Variants in GFRA1 observed in about 807,000 individuals in gnomAD.
GFRA1 encodes the protein GDNF family receptor alpha-1.
A neutral mutation model predicts 51.6 loss-of-function variants in GFRA1; 16 were observed. The ratio of observed to expected loss-of-function variants is 0.31; its 90% CI spans 0.21 to 0.47. The LOEUF is 0.47. GFRA1 is among the 20% of genes least tolerant of loss of function. The pLI is 1.00. For synonymous variants in GFRA1, 270 were observed against 241.3 expected (o/e 1.12, Z -1.10); for missense variants, 530 against 594.3 (o/e 0.89, Z 1.13).
intron 5 of GFRA1, among the ~76,000 whole-genome samples, chr10:116,162,516 C>T (rs1959927443): frequency 6.6e-6 from 1 of 152,182 alleles, no homozygotes; most frequent in South Asian, 2.1e-4. Context: ...GATCAGGCCT[C>T]ACAGTCCATT....
intron 4 of GFRA1, among the ~76,000 whole-genome samples, chr10:116,256,691 C>T (rs1401073943): frequency 6.6e-6 from 1 of 152,156 alleles, no homozygotes; most frequent in Non-Finnish European, 1.5e-5. Context: ...CTTGAGTTTT[C>T]ATTGAGACAT....
chr10:116,125,741 G>A lies in GFRA1; in HGVS notation c.434-184C>T, dbSNP rs889882296. Among the ~76,000 whole-genome samples the A allele has an allele frequency of 7.9e-5, 12 of 152,186 alleles. 1 individual carries two copies. Among genetic ancestry groups the A allele is most frequent in the Admixed American group, 3.3e-4 (5 of 15,276 alleles). ...AAAGTGCTAGGAGTACAAATACCAG[G>A]AGTCTACGGCAGCACAAAAGCCCCT... On this transcript the variant is annotated intron_variant, in intron 5 of 10. Transcript: ENST00000355422.
At position 116,057,120 on chromosome 10, in the gene GFRA1, G is replaced by A. The variant is rs555048804; in HGVS notation, c.*7278C>T. 2 of 152,278 alleles carry A rather than the reference G, an allele frequency of 1.3e-5. No individual in the cohort carries two copies. Among genetic ancestry groups the A allele is most frequent in the Admixed American group, 1.3e-4 (2 of 15,298 alleles). 9.4% of individuals were successfully genotyped at this position (152,278 alleles called of 1,614,324 possible). ...TTCTTCCAAGGGTGTTGGCAATAAAGGCTGTTGCAAAACAGCTATGTGAGG... is the reference window on the plus strand; with the variant it reads ...TTCTTCCAAGGGTGTTGGCAATAAAAGCTGTTGCAAAACAGCTATGTGAGG... On this transcript the variant is annotated 3_prime_UTR_variant, in exon 11 of 11. Coordinates refer to ENST00000355422, the MANE Select transcript of GFRA1 (RefSeq NM_005264.8).
chr10:116,240,761 C>CTTGG (rs1342525991), intron 4 of GFRA1, among the ~76,000 whole-genome samples: 1 of 152,188 alleles, frequency 6.6e-6, no homozygotes, highest in African/African-American at 2.4e-5. Flanking sequence ...CCACACAGTG[C>CTTGG]TTGGCATAGA....
Position 116,179,764 on chromosome 10 carries a change from C to G in GFRA1, c.433+31867G>C, listed in dbSNP as rs535014604. On this transcript the variant is annotated intron_variant, in intron 5 of 10. Coordinates refer to ENST00000355422, the MANE Select transcript of GFRA1 (RefSeq NM_005264.8). ...CACTAGGAAAACCTCTAAATAGTGG[C>G]TAGAGGTGAACTGTCCCATTCTTGA... 3.3e-5 allele frequency among the ~76,000 whole-genome samples: 5 copies of G among 152,288 alleles called. 1 individual carries two copies. The South Asian group carries it at 1.0e-3, about 32-fold the overall frequency.
At chr10:116,189,261 G>C (rs1011280413) in intron 5 of GFRA1, among the ~76,000 whole-genome samples, 5 of 152,090 alleles carry the variant, frequency 3.3e-5, no homozygotes, top group African/African-American at 1.2e-4. Context: ...ATCTTATCAG[G>C]TGGCACCTAA....
chr10:116,186,174 C>T (rs1962698690), intron 5 of GFRA1, among the ~76,000 whole-genome samples: 3 of 152,134 alleles, frequency 2.0e-5, no homozygotes, highest in South Asian at 2.1e-4. Context: ...CAGCGCTCAC[C>T]GGAGATGGCA....
At chr10:116,080,249 A>G (rs1955791808) in intron 9 of GFRA1, among the ~76,000 whole-genome samples, 1 of 152,212 alleles carries the variant, frequency 6.6e-6, no homozygotes, top group African/African-American at 2.4e-5. Context: ...AAGCTCTTCT[A>G]CTGTCATCTG....
At chr10:116,116,582 T>C (rs1029727349) in intron 6 of GFRA1, among the ~76,000 whole-genome samples, 1 of 152,214 alleles carries the variant, frequency 6.6e-6, no homozygotes, top group Admixed American at 6.5e-5. Flanking sequence ...ACCCTCACTG[T>C]CCAGCAGATT....
In GFRA1 at chr10:116,064,345, G is replaced by A. The variant is rs1252320192; in HGVS notation, c.*53C>T. 6 of 1,507,822 alleles carry A rather than the reference G, an allele frequency of 4.0e-6. No homozygotes were observed. Among genetic ancestry groups the A allele is most frequent in the Non-Finnish European group, 4.6e-6 (5 of 1,089,288 alleles). The allele number at this position is 1,507,822 out of a possible 1,614,324, so 93.4% of individuals were successfully genotyped here. On this transcript the variant is annotated 3_prime_UTR_variant, in exon 11 of 11. Coordinates refer to ENST00000355422, the MANE Select transcript of GFRA1 (RefSeq NM_005264.8). ...CAGCTATACAAGAGAACAGGAAACA[G>A]ATAACTTGGTTTTTGTCTTTTTACA...
chr10:116,130,576 A>G (rs1958065190), intron 5 of GFRA1, among the ~76,000 whole-genome samples: 1 of 152,136 alleles, frequency 6.6e-6, no homozygotes, highest in African/African-American at 2.4e-5. Context: ...ACAATGGAAA[A>G]GAAGAGAGAA....
At chr10:116,236,691 G>T (rs957271947) in intron 4 of GFRA1, among the ~76,000 whole-genome samples, 8 of 152,152 alleles carry the variant, frequency 5.3e-5, no homozygotes, top group African/African-American at 1.9e-4. Flanking sequence ...TGGAGTTGAA[G>T]AAGGAGAATG....
intron 5 of GFRA1, among the ~76,000 whole-genome samples, chr10:116,141,882 C>T (rs11197547): frequency 0.24 from 36,350 of 151,992 alleles, 4,949 homozygotes; most frequent in African/African-American, 0.38. Context: ...CCATACCCGA[C>T]CTCTTTTTTT....
intron 5 of GFRA1, among the ~76,000 whole-genome samples, chr10:116,179,143 C>A (rs554808596): frequency 6.6e-6 from 1 of 152,208 alleles, no homozygotes; most frequent in South Asian, 2.1e-4. Flanking sequence ...CAGCCAATCA[C>A]AGCCTCAGCA....
At chr10:116,092,801 C>T (rs1024052686) in intron 8 of GFRA1, among the ~76,000 whole-genome samples, 2 of 151,946 alleles carry the variant, frequency 1.3e-5, no homozygotes, top group Non-Finnish European at 2.9e-5. Context: ...GTATATTTTA[C>T]ACTCGCTATA....
chr10:116,094,079 C>A (rs1333860028), intron 7 of GFRA1, among the ~76,000 whole-genome samples: 1 of 152,124 alleles, frequency 6.6e-6, no homozygotes, highest in East Asian at 1.9e-4. Flanking sequence ...TAGGGTATTC[C>A]TTCCTGCACA....
intron 5 of GFRA1, among the ~76,000 whole-genome samples, chr10:116,184,800 G>C (rs978868142): frequency 1.3e-5 from 2 of 152,124 alleles, no homozygotes; most frequent in African/African-American, 2.4e-5. Context: ...GGTGTTCCTG[G>C]CTGTTTAACC....
intron 9 of GFRA1, among the ~76,000 whole-genome samples, chr10:116,070,989 A>T (rs2072697822): frequency 6.6e-6 from 1 of 152,208 alleles, no homozygotes; most frequent in African/African-American, 2.4e-5. Flanking sequence ...CAGCTGCGTA[A>T]AACAAGTGGA....
rs758340747 is a variant in GFRA1, at chr10:116,093,713, T to C, written c.1004A>G (p.Asn335Ser). Reference protein sequence around the residue: ...CLKFLNFFKDNTCLKNAIQAF... With the variant: ...CLKFLNFFKDSTCLKNAIQAF... Reference sequence around the variant, plus strand: ...TTTTACAAACTCACTAAGACATGTATTGTCCTTGAAGAAATTCAAAAATTT... The same window carrying C: ...TTTTACAAACTCACTAAGACATGTACTGTCCTTGAAGAAATTCAAAAATTT... The change falls in exon 8 of 11, where the codon AAT (asparagine) becomes AGT (serine). Residue 335 changes from asparagine (N) to serine (S), a missense_variant. By Grantham distance (46) the Asn-to-Ser change is conservative (BLOSUM62 1). Transcript: ENST00000355422. The C allele has an allele frequency of 1.9e-6, 3 of 1,613,952 alleles. No homozygotes were observed. Among genetic ancestry groups the C allele is most frequent in the Admixed American group, 1.7e-5 (1 of 60,018 alleles).
Sources: allele counts gnomAD v4.1 joint callset (sites outside exome capture counted in the v4.1 genomes callset), GRCh38; gene constraint gnomAD v4.1.1; transcripts MANE v1.5; gene names NCBI Gene and HGNC (gene_info 2026-07-23, HGNC 2026-07-21).